FAM149B1: variants seen among roughly 807,000 people sequenced by gnomAD.
FAM149B1 encodes family with sequence similarity 149 member B1.
FAM149B1 carries 56 observed loss-of-function variants against 75.3 expected under a neutral mutation model. The observed-to-expected ratio is 0.74, with a 90% CI of 0.60 to 0.93. The LOEUF (loss-of-function observed/expected upper bound fraction) is 0.93, where lower values mean the gene tolerates loss of function less well. Ranked by LOEUF, FAM149B1 falls within the 40% of genes least tolerant of loss-of-function variation. The pLI, the probability that FAM149B1 is intolerant of heterozygous loss-of-function variation, is 0.00. For missense variants in FAM149B1, 639 were observed against 708.4 expected (o/e 0.90, Z 1.11); for synonymous variants, 259 against 256.1 (o/e 1.01, Z -0.11).
intron 3 of FAM149B1, among the ~76,000 whole-genome samples, chr10:73,188,303 A>G (rs2042582830): frequency 6.6e-6 from 1 of 152,230 alleles, no homozygotes; most frequent in African/African-American, 2.4e-5. Flanking sequence ...TTCACATCAT[A>G]TAAAAAATTT....
Position 73,243,046 on chromosome 10 carries a change from A to T in FAM149B1, c.*2027A>T. 1 of 203,866 alleles carries T rather than the reference A, an allele frequency of 4.9e-6. No homozygotes were observed. The highest frequency in any genetic ancestry group is 1.4e-4 in the East Asian group (1 of 7,102). 12.6% of individuals were successfully genotyped at this position (203,866 alleles called of 1,614,324 possible). A position where few individuals can be genotyped will look rare whatever the true frequency, so the allele number is the denominator to read the frequency against. On this transcript the variant is annotated 3_prime_UTR_variant, in exon 14 of 14. Coordinates refer to ENST00000242505, the MANE Select transcript of FAM149B1 (RefSeq NM_173348.2). Reference sequence around the variant, plus strand: ...CTAGCTGGGTAGAGAGCCTATTCTAACAGACACGCACATCGCAGAAAGCAG... The same window carrying T: ...CTAGCTGGGTAGAGAGCCTATTCTATCAGACACGCACATCGCAGAAAGCAG...
intron 9 of FAM149B1, among the ~76,000 whole-genome samples, chr10:73,231,646 T>TG (rs763740730): frequency 0.15 from 23,335 of 151,944 alleles, 2,923 homozygotes; most frequent in African/African-American, 0.32. Context: ...GGGAGTGAAA[T>TG]TTAAGTGAAA....
At chr10:73,188,945 A>G (rs1010732517) in intron 3 of FAM149B1, among the ~76,000 whole-genome samples, 2 of 151,788 alleles carry the variant, frequency 1.3e-5, no homozygotes, top group Non-Finnish European at 2.9e-5. Flanking sequence ...TGTAACCCCA[A>G]CACTTTGAGA....
At chr10:73,238,916 T>C (rs577844016) in intron 12 of FAM149B1, 53 of 158,038 alleles carry the variant, frequency 3.4e-4, no homozygotes, top group African/African-American at 1.2e-3. Context: ...GGTGGTAAAG[T>C]CATAAGTATT....
At chr10:73,234,086 T>C (rs1460723584) in intron 10 of FAM149B1, 2 of 152,198 alleles carry the variant, frequency 1.3e-5, no homozygotes, top group African/African-American at 4.8e-5. Flanking sequence ...ATTCACAAAA[T>C]GTCTTAGGAT....
In FAM149B1 at chr10:73,234,862, G is replaced by T. The variant is rs61742710; in HGVS notation, c.1398G>T (p.Leu466=). The T allele has an allele frequency of 6.4e-7, 1 of 1,551,616 alleles. No homozygotes were observed. Among genetic ancestry groups the T allele is most frequent in the Non-Finnish European group, 8.7e-7 (1 of 1,146,988 alleles). Residue 466 remains leucine (L), a synonymous_variant, in exon 11 of 14, where the codon CTG becomes CTT. Coordinates refer to ENST00000242505, the MANE Select transcript of FAM149B1 (RefSeq NM_173348.2). ...DSLSSPSPTP[L]SRNNLLPPIG... is the part of the protein sequence containing the mutation. ...TCTCCTCTCCCTCACCGACGCCCCT[G>T]AGTCGAAATAATCTGCTACCACCTA... is the stretch of plus-strand genomic sequence containing the variant.
At chr10:73,230,681 G>A (rs1008648878) in intron 9 of FAM149B1, 156 bp downstream of exon 9, 3 of 566,916 alleles carry the variant, frequency 5.3e-6, no homozygotes, top group South Asian at 2.1e-5. Context: ...CCACCATCAG[G>A]GGGCTGATAA....
Position 73,241,158 on chromosome 10 carries a change from C to G in FAM149B1, c.*139C>G. On this transcript the variant is annotated 3_prime_UTR_variant, in exon 14 of 14. Coordinates refer to ENST00000242505, the MANE Select transcript of FAM149B1 (RefSeq NM_173348.2). ...GAAGAGTGATTTTGGCACAAGTGAC[C>G]GAAGAACAAAACACCATAGCAGCCA... 1 of 646,986 alleles carries G rather than the reference C, an allele frequency of 1.5e-6. No homozygotes were observed. Among genetic ancestry groups the G allele is most frequent in the Non-Finnish European group, 2.8e-6 (1 of 357,984 alleles). The allele number at this position is 646,986 out of a possible 1,614,324, so 40.1% of individuals were successfully genotyped here. A position where few individuals can be genotyped will look rare whatever the true frequency, so the allele number is the denominator to read the frequency against.
chr10:73,211,165 G>C (rs960801300), intron 7 of FAM149B1, among the ~76,000 whole-genome samples: 8 of 152,116 alleles, frequency 5.3e-5, no homozygotes, highest in African/African-American at 1.9e-4. Flanking sequence ...TAGTCCTTTA[G>C]GATTTTTATG....
At chr10:73,216,663 T>C (rs775934050) in intron 7 of FAM149B1, among the ~76,000 whole-genome samples, 17 of 152,274 alleles carry the variant, frequency 1.1e-4, no homozygotes, top group Non-Finnish European at 2.1e-4. Context: ...GAATTAGGTA[T>C]TGTCCTAGGT....
chr10:73,240,617 C>T (rs962648396), intron 13 of FAM149B1, among the ~76,000 whole-genome samples: 8 of 151,046 alleles, frequency 5.3e-5, no homozygotes, highest in African/African-American at 1.2e-4. Flanking sequence ...GGGACTGAGG[C>T]AGGAGAATGA....
intron 5 of FAM149B1, chr10:73,200,291 C>T (rs1365187742): frequency 2.9e-5 from 10 of 340,724 alleles, no homozygotes. Context: ...GAGATTGCAC[C>T]ATTGCACTCC....
In FAM149B1 at chr10:73,243,962, A is replaced by C; in HGVS notation, c.*2943A>C. The stretch of plus-strand genomic sequence containing the variant: ...AGGAACTCACATGAGACTCAGGGCC[A>C]CCAGGAAATGCTTAAAATACATACT... On this transcript the variant is annotated 3_prime_UTR_variant, in exon 14 of 14. Coordinates refer to ENST00000242505, the MANE Select transcript of FAM149B1 (RefSeq NM_173348.2). 6.4e-7 allele frequency: 1 copy of C among 1,567,304 alleles called. No individual in the cohort carries two copies. The highest frequency in any genetic ancestry group is 8.7e-7 in the Non-Finnish European group (1 of 1,145,538).
intron 10 of FAM149B1, chr10:73,234,456 G>A (rs2043777888): frequency 4.8e-6 from 1 of 206,570 alleles, no homozygotes; most frequent in South Asian, 8.2e-5. Context: ...TAGGGAAAAC[G>A]ATAACCAGAA....
rs983053432 is a variant in FAM149B1, at chr10:73,228,225, C to G, written c.1023+41C>G. On this transcript the variant is annotated intron_variant, in intron 8 of 13. Transcript: ENST00000242505. ...ATCAGTTGGAGACCCCAGGGCTACTCTCACCAGAGGAAATTTGCTCAGAGT... is the reference window on the plus strand; with the variant it reads ...ATCAGTTGGAGACCCCAGGGCTACTGTCACCAGAGGAAATTTGCTCAGAGT... 10 of 1,535,560 alleles carry G rather than the reference C, an allele frequency of 6.5e-6. No homozygotes were observed. The African/African-American group carries it at 1.2e-4, about 19-fold the overall frequency.
chr10:73,240,474 A>T (rs1204253413), intron 13 of FAM149B1, among the ~76,000 whole-genome samples: 2 of 152,190 alleles, frequency 1.3e-5, no homozygotes, highest in South Asian at 2.1e-4. Flanking sequence ...GCACTTTCGG[A>T]GGCCAAGGCG....
intron 7 of FAM149B1, among the ~76,000 whole-genome samples, chr10:73,218,299 ATCT>A (rs1357213085): frequency 2.0e-5 from 3 of 152,156 alleles, no homozygotes; most frequent in African/African-American, 7.2e-5. Flanking sequence ...CCTCTGAATC[ATCT>A]TTCATTTTTT....
intron 3 of FAM149B1, among the ~76,000 whole-genome samples, chr10:73,186,971 C>T (rs1442942744): frequency 6.6e-6 from 1 of 152,258 alleles, no homozygotes; most frequent in African/African-American, 2.4e-5. Context: ...AGTTGTACAA[C>T]TGCGAATATA....
intron 10 of FAM149B1, among the ~76,000 whole-genome samples, chr10:73,233,385 G>C (rs1015381652): frequency 1.3e-5 from 2 of 152,082 alleles, no homozygotes; most frequent in Non-Finnish European, 2.9e-5. Context: ...CTGTCGCCCA[G>C]GCTGGAGTGC....
Sources: allele counts gnomAD v4.1 joint callset (sites outside exome capture counted in the v4.1 genomes callset), GRCh38; gene constraint gnomAD v4.1.1; transcripts MANE v1.5; gene names NCBI Gene and HGNC (gene_info 2026-07-23, HGNC 2026-07-21).